The following BDH1 variants were observed in gnomAD, a reference collection of about 807,000 sequenced individuals.
The protein encoded by BDH1 is 3-hydroxybutyrate dehydrogenase 1, also known as D-beta-hydroxybutyrate dehydrogenase, mitochondrial.
In BDH1, 30 loss-of-function variants were observed where a neutral mutation model predicts 33.1. The observed-to-expected ratio is 0.91, with a 90% CI of 0.68 to 1.23. The LOEUF (loss-of-function observed/expected upper bound fraction) is 1.23. Ranked by LOEUF, BDH1 falls within the 50% of genes most tolerant of loss-of-function variation. The pLI, the probability that BDH1 is intolerant of heterozygous loss-of-function variation, is 0.00. For synonymous variants in BDH1, 190 were observed against 183.6 expected, an observed-to-expected ratio of 1.03 and a Z score of -0.28; for missense variants, 443 against 464.4, an observed-to-expected ratio of 0.95 and a Z score of 0.42.
chr3:197,539,487 ACCT>A (rs1333982242), intron 3 of BDH1, among the ~76,000 whole-genome samples: 1 of 152,118 alleles, frequency 6.6e-6, no homozygotes, highest in Non-Finnish European at 1.5e-5. Context: ...CCCAAAACAA[ACCT>A]CCTTCTTGCC....
chr3:197,555,075 C>T (rs1716903279), intron 1 of BDH1, among the ~76,000 whole-genome samples: 1 of 152,256 alleles, frequency 6.6e-6, no homozygotes, highest in Non-Finnish European at 1.5e-5. Context: ...CCTGGACTCC[C>T]ACCCTGGCCA....
rs140040785 is a variant in BDH1 at position 197,512,079 on chromosome 3, T to C, written c.848A>G (p.Lys283Arg). Residue 283 changes from lysine to arginine, a missense_variant, in exon 8 of 8, where the codon AAG becomes AGG. Coordinates refer to ENST00000392379, the MANE Select transcript of BDH1 (RefSeq NM_203314.3). The stretch of plus-strand genomic sequence containing the variant: ...GCCACTGCTGCAGTAGGTCTCCATC[T>C]TGGCGATCTTTTCATCAAAGTACTT... ...GKKYFDEKIA[K>R]METYCSSGST... 6.2e-7 allele frequency: 1 copy of C among 1,614,080 alleles called. No individual in the cohort carries two copies. The highest frequency in any genetic ancestry group is 8.5e-7 in the Non-Finnish European group (1 of 1,180,038).
At chr3:197,529,124 G>C (rs1714409143) in intron 5 of BDH1, 1 of 152,218 alleles carries the variant, frequency 6.6e-6, no homozygotes, top group South Asian at 2.1e-4. Flanking sequence ...GTTCTCTTGA[G>C]CACTGTCAGG....
chr3:197,525,778 G>A lies in BDH1; in HGVS notation c.268-2997C>T, dbSNP rs780245752. ...AGACTCTGGTGGCCTGTCCCCCTCA[G>A]GGTCTACCTGTCCTCAGGCCAAGAC... is the stretch of plus-strand genomic sequence containing the variant. On this transcript the variant is annotated intron_variant, in intron 5 of 7. Coordinates refer to ENST00000392379, the MANE Select transcript of BDH1 (RefSeq NM_203314.3). This position sits in a 1 kb window ranked among gnomAD's most constrained non-coding sequence, Gnocchi z 4.9. Among the ~76,000 whole-genome samples the A allele has an allele frequency of 3.3e-4, 50 of 152,200 alleles. No homozygotes were observed. The highest frequency in any genetic ancestry group is 5.1e-4 in the Non-Finnish European group (35 of 68,034).
intron 1 of BDH1, among the ~76,000 whole-genome samples, chr3:197,562,191 T>C (rs1398591294): frequency 6.6e-6 from 1 of 152,100 alleles, no homozygotes; most frequent in Non-Finnish European, 1.5e-5. Flanking sequence ...CTGAGCACAG[T>C]TTACAGGAAG....
chr3:197,558,145 C>T (rs894790061), upstream of BDH1, among the ~76,000 whole-genome samples: 3 of 152,212 alleles, frequency 2.0e-5, no homozygotes, highest in Non-Finnish European at 4.4e-5. Context: ...CACATCTGGC[C>T]TTACATCTTC....
At chr3:197,518,636 AC>A (rs1180943248) in intron 6 of BDH1, among the ~76,000 whole-genome samples, 1 of 1,236 alleles carries the variant, frequency 8.1e-4, no homozygotes, top group Non-Finnish European at 1.4e-3. Context: ...CCTCAGGCCG[AC>A]CCCCCCCATC....
At chr3:197,517,106 C>G (rs182297467) in intron 6 of BDH1, among the ~76,000 whole-genome samples, 2 of 152,136 alleles carry the variant, frequency 1.3e-5, no homozygotes, top group Admixed American at 1.3e-4. Context: ...CTTGGGTCCT[C>G]GCTGCCTGTC....
At chr3:197,565,026 G>A (rs1006288780) in intron 1 of BDH1, among the ~76,000 whole-genome samples, 2 of 152,140 alleles carry the variant, frequency 1.3e-5, no homozygotes, top group Non-Finnish European at 1.5e-5. Context: ...AGGTTCAAGC[G>A]ATTCTCCTGC....
At chr3:197,518,797 AC>A (rs552431377) in intron 6 of BDH1, among the ~76,000 whole-genome samples, 5 of 10,666 alleles carry the variant, frequency 4.7e-4, no homozygotes, top group South Asian at 6.3e-3. Flanking sequence ...CCTCAGGCCG[AC>A]CCCCCCCATC....
chr3:197,517,067 T>A (rs1461434983), intron 6 of BDH1, among the ~76,000 whole-genome samples: 1 of 152,036 alleles, frequency 6.6e-6, no homozygotes, highest in Admixed American at 6.5e-5. Flanking sequence ...GCTGGGTCAG[T>A]TCTTCCTTCC....
chr3:197,531,410 A>T (rs1055584231), intron 5 of BDH1, among the ~76,000 whole-genome samples: 3 of 106,256 alleles, frequency 2.8e-5, no homozygotes, highest in African/African-American at 4.1e-5. Context: ...AACATAAATT[A>T]AAAAAAAAAT....
At chr3:197,515,547 T>C in intron 6 of BDH1, 1 of 985,630 alleles carries the variant, frequency 1.0e-6, no homozygotes, top group South Asian at 4.7e-5. Flanking sequence ...GATCCTTCTC[T>C]CTCTTTTACA....
Position 197,536,047 on chromosome 3 carries a change from A to G in BDH1, c.84-2486T>C, listed in dbSNP as rs1312152421. Among the ~76,000 whole-genome samples, 4 of 148,800 alleles carry G rather than the reference A, an allele frequency of 2.7e-5. No individual in the cohort carries two copies. In the East Asian group the frequency reaches 7.8e-4, roughly 29 times the overall value. On this transcript the variant is annotated intron_variant, in intron 3 of 7. Coordinates refer to ENST00000392379, the MANE Select transcript of BDH1 (RefSeq NM_203314.3). ...GGGGACTGAGGGAGACCCTGTCTCAAAAAAAAAAAAAGTTTTATAGTTTTA... is the reference window on the plus strand; with the variant it reads ...GGGGACTGAGGGAGACCCTGTCTCAGAAAAAAAAAAAGTTTTATAGTTTTA...
At chr3:197,538,617 A>G (rs11919480) in intron 3 of BDH1, 101,537 of 286,170 alleles carry the variant, frequency 0.35, 20,448 homozygotes, top group African/African-American at 0.63. Flanking sequence ...CTCCCAAAGT[A>G]CTGGGATCAC....
chr3:197,553,400 G>A (rs1486279684), intron 2 of BDH1, among the ~76,000 whole-genome samples: 2 of 150,932 alleles, frequency 1.3e-5, no homozygotes, highest in African/African-American at 2.4e-5. Flanking sequence ...GTGGTCGCTC[G>A]CGCCTGTAGT....
intron 3 of BDH1, among the ~76,000 whole-genome samples, chr3:197,536,315 T>C (rs1715150708): frequency 1.3e-5 from 2 of 152,266 alleles, no homozygotes; most frequent in South Asian, 4.1e-4. Flanking sequence ...AAAATTCTTT[T>C]AGCTATTCTA....
Position 197,520,193 on chromosome 3 carries a change from G to A in BDH1, c.409+2447C>T, listed in dbSNP as rs988352686. Among the ~76,000 whole-genome samples the A allele has an allele frequency of 2.6e-5, 4 of 152,120 alleles. No homozygotes were observed. Among genetic ancestry groups the A allele is most frequent in the Non-Finnish European group, 5.9e-5 (4 of 68,022 alleles). ...GCAGGGAGAGGGAGGAGAGGGAGAC[G>A]GGAAGAAAGCGAGAGCAGGAGATGG... On this transcript the variant is annotated intron_variant, in intron 6 of 7. Transcript: ENST00000392379. The surrounding 1 kb of genome is among the most constrained non-coding windows in gnomAD (Gnocchi z 6.0).
At chr3:197,555,094 C>G (rs1716905446) in intron 1 of BDH1, among the ~76,000 whole-genome samples, 1 of 152,260 alleles carries the variant, frequency 6.6e-6, no homozygotes, top group African/African-American at 2.4e-5. Context: ...CAGTCCCGGG[C>G]CCACCACCAC....
Sources: allele counts gnomAD v4.1 joint callset (sites outside exome capture counted in the v4.1 genomes callset), GRCh38; gene constraint gnomAD v4.1.1; non-coding constraint Gnocchi (gnomAD v3.1); transcripts MANE v1.5; gene names NCBI Gene and HGNC (gene_info 2026-07-23, HGNC 2026-07-21).